The following AP1M2 variants were observed in gnomAD, a reference collection of about 807,000 sequenced individuals.
AP1M2 encodes the protein adaptor related protein complex 1 subunit mu 2, also known as AP-1 complex subunit mu-2.
In AP1M2, 41 loss-of-function variants were observed where a neutral mutation model predicts 54.6. The observed-to-expected ratio is 0.75, with a 90% confidence interval of 0.59 to 0.97. AP1M2 has a LOEUF of 0.97. AP1M2 is among the 50% of genes least tolerant of loss of function. The pLI is 0.00. For synonymous variants in AP1M2, 219 were observed against 215.9 expected, an observed-to-expected ratio of 1.01 and a Z score of -0.13; for missense variants, 507 against 561.2, an observed-to-expected ratio of 0.90 and a Z score of 0.98.
intron 9 of AP1M2, among the ~76,000 whole-genome samples, chr19:10,575,818 G>T (rs1232938255): frequency 1.5e-5 from 2 of 136,186 alleles, no homozygotes; most frequent in African/African-American, 5.6e-5. Flanking sequence ...CCAGGCTGGA[G>T]TGTAGTGGTG....
Position 10,583,901 on chromosome 19 carries a change from G to T in AP1M2, c.199+13C>A. 1.9e-6 allele frequency: 3 copies of T among 1,589,280 alleles called. No individual in the cohort carries two copies. Among genetic ancestry groups the T allele is most frequent in the Non-Finnish European group, 2.6e-6 (3 of 1,167,760 alleles). ...CCACACCCACCTCCAGGGACACCAC[G>T]TGGGGTGGATACAGTAGAGGTTGCT... is the stretch of plus-strand genomic sequence containing the variant. On this transcript the variant is annotated intron_variant, in intron 2 of 11. Coordinates refer to ENST00000250244, the MANE Select transcript of AP1M2 (RefSeq NM_005498.5).
Position 10,586,023 on chromosome 19 carries a change from T to C in AP1M2, c.42+1167A>G, listed in dbSNP as rs1363868302. On this transcript the variant is annotated intron_variant, in intron 1 of 11. Transcript: ENST00000250244. ...GTGCGGCCGGGCGCAGTGGCTCATG[T>C]CTGTAATCCCAGCACTTTGGGAGGC... Among the ~76,000 whole-genome samples the C allele has an allele frequency of 2.0e-5, 3 of 151,768 alleles. No homozygotes were observed. In the South Asian group the frequency reaches 6.3e-4, roughly 32 times the overall value.
rs759394020 is a variant in AP1M2 at position 10,574,417 on chromosome 19, C to G, written c.1249G>C (p.Asp417His). The change falls in exon 11 of 12, where the codon GAT (aspartate) becomes CAT (histidine). Residue 417 changes from aspartate (D) to histidine (H), a missense_variant and splice_region_variant. Asp to His is a moderately conservative substitution (Grantham distance 81). Transcript: ENST00000250244. The stretch of plus-strand genomic sequence containing the variant: ...GTCCCCAGGAGCTGGGCTGCCTTAC[C>G]GCCACTCTGGGTGATGTAGCGAACC... ...PWVRYITQSG[D>H]YQLRTS 5 of 1,553,072 alleles carry G rather than the reference C, an allele frequency of 3.2e-6. No homozygotes were observed. The East Asian group carries it at 1.2e-4, about 38-fold the overall frequency.
At chr19:10,575,335 G>A (rs973002925) in intron 9 of AP1M2, among the ~76,000 whole-genome samples, 3 of 152,254 alleles carry the variant, frequency 2.0e-5, no homozygotes, top group African/African-American at 7.2e-5. Context: ...CTGGGTGACA[G>A]AGACTCACCA....
intron 2 of AP1M2, 51 bp downstream of exon 2, chr19:10,583,863 T>C (rs1456448113): frequency 3.2e-6 from 5 of 1,551,904 alleles, no homozygotes; most frequent in Middle Eastern, 1.7e-4. Flanking sequence ...GCTGCCACCA[T>C]CGCCGACAGC....
At position 10,579,015 on chromosome 19, in the gene AP1M2, CTTTTTTTT is replaced by C. The variant is rs749676329; in HGVS notation, c.817-60_817-53del. On this transcript the variant is annotated intron_variant, in intron 7 of 11. Coordinates refer to ENST00000250244, the MANE Select transcript of AP1M2 (RefSeq NM_005498.5). ...TTGGAGACTCCATGTTGACTCTCTT[CTTTTTTTT>C]TTTTTTTTTTTCTTTCTTTGAGACA... 2.6e-5 allele frequency: 19 copies of C among 743,308 alleles called. No individual in the cohort carries two copies. The African/African-American group carries it at 3.4e-4, about 13-fold the overall frequency. 46.0% of individuals were successfully genotyped at this position (743,308 alleles called of 1,614,324 possible).
chr19:10,576,978 A>C (rs924963485), intron 9 of AP1M2, among the ~76,000 whole-genome samples: 7 of 152,044 alleles, frequency 4.6e-5, no homozygotes, highest in African/African-American at 1.7e-4. Context: ...ATTTTTATAG[A>C]GGCAGGGTCT....
chr19:10,573,660 C>CTTTTTTTTTT (rs35697396), intron 11 of AP1M2, among the ~76,000 whole-genome samples: 4 of 109,466 alleles, frequency 3.7e-5, no homozygotes, highest in Non-Finnish European at 3.5e-5. Flanking sequence ...CTTTTTTTTC[C>CTTTTTTTTTT]TTTTTTTTTT....
intron 1 of AP1M2, chr19:10,585,157 G>C (rs906642589): frequency 1.2e-4 from 18 of 151,442 alleles, no homozygotes; most frequent in Non-Finnish European, 1.6e-4. Context: ...CGAGACTACA[G>C]TGAGCTGTGG....
At chr19:10,579,143 G>T (rs909626943) in intron 7 of AP1M2, among the ~76,000 whole-genome samples, 180 bp from the exon 8 acceptor site, 2 of 151,770 alleles carry the variant, frequency 1.3e-5, no homozygotes, top group Non-Finnish European at 2.9e-5. Context: ...TCGGCCGGGA[G>T]CGGTGGCTCA....
Position 10,584,038 on chromosome 19 carries a change from C to G in AP1M2, c.75G>C (p.Val25=). The change falls in exon 2 of 12, where the codon GTG becomes GTC. Residue 25 remains valine (V), a synonymous_variant. Coordinates refer to ENST00000250244, the MANE Select transcript of AP1M2 (RefSeq NM_005498.5). ...PLISRNYKGD[V]AMSKIEHFMP... is the part of the protein sequence containing the mutation. ...TGAAGTGCTCAATCTTGCTCATGGC[C>G]ACATCGCCCTTGTAGTTGCGGCTGA... 1 of 1,611,088 alleles carries G rather than the reference C, an allele frequency of 6.2e-7. No individual in the cohort carries two copies. The highest frequency in any genetic ancestry group is 8.5e-7 in the Non-Finnish European group (1 of 1,178,780).
At chr19:10,583,231 T>C (rs1209192853) in intron 3 of AP1M2, among the ~76,000 whole-genome samples, 1 of 152,102 alleles carries the variant, frequency 6.6e-6, no homozygotes, top group Non-Finnish European at 1.5e-5. Context: ...TGGGCTTAGC[T>C]GAGCCGTATG....
chr19:10,577,671 G>C (rs1239351443), intron 8 of AP1M2, among the ~76,000 whole-genome samples: 3 of 149,824 alleles, frequency 2.0e-5, no homozygotes, highest in Non-Finnish European at 3.0e-5. Flanking sequence ...TCCTGACCTC[G>C]TGATCCGCCC....
intron 1 of AP1M2, among the ~76,000 whole-genome samples, chr19:10,586,140 G>A (rs1033998902): frequency 1.3e-5 from 2 of 151,904 alleles, no homozygotes; most frequent in African/African-American, 4.8e-5. Flanking sequence ...AAAATTAGCC[G>A]GGCGTGATGG....
chr19:10,584,679 G>C (rs1045189150), intron 1 of AP1M2, among the ~76,000 whole-genome samples: 5 of 85,850 alleles, frequency 5.8e-5, no homozygotes, highest in African/African-American at 2.1e-4. Context: ...AAGGAAGGAA[G>C]GTAGGCAGGC....
intron 1 of AP1M2, among the ~76,000 whole-genome samples, chr19:10,586,144 G>A (rs565649798): frequency 9.9e-5 from 15 of 152,132 alleles, no homozygotes; most frequent in African/African-American, 3.1e-4. Context: ...TTAGCCGGGC[G>A]TGATGGTGCG....
chr19:10,578,957 G>C lies in AP1M2; in HGVS notation c.823C>G (p.Pro275Ala). Residue 275 changes from proline (P) to alanine (A), a missense_variant, in exon 8 of 12, where the codon CCA becomes GCA. Coordinates refer to ENST00000250244, the MANE Select transcript of AP1M2 (RefSeq NM_005498.5). The stretch of plus-strand genomic sequence containing the variant: ...ATGACAGACTCAATCCAGATCAGTG[G>C]CTTGACCTGTGGGAAGAAGAAGGGG... Reference protein sequence around the residue: ...MSYRLSTQVKPLIWIESVIEK... With the variant: ...MSYRLSTQVKALIWIESVIEK... The C allele has an allele frequency of 6.2e-7, 1 of 1,604,522 alleles. No individual in the cohort carries two copies. The highest frequency in any genetic ancestry group is 1.3e-5 in the African/African-American group (1 of 74,722).
chr19:10,587,030 A>T, intron 1 of AP1M2, 160 bp downstream of exon 1: 1 of 763,524 alleles, frequency 1.3e-6, no homozygotes, highest in Non-Finnish European at 2.1e-6. Flanking sequence ...CCTTGGCCTC[A>T]GGCACAAGGC....
In AP1M2 at chr19:10,583,618, A is replaced by T; in HGVS notation, c.255T>A (p.Tyr85Ter). 1 of 1,612,586 alleles carries T rather than the reference A, an allele frequency of 6.2e-7. No individual in the cohort carries two copies. Among genetic ancestry groups the T allele is most frequent in the South Asian group, 1.1e-5 (1 of 90,986 alleles). The change falls in exon 3 of 12, where the codon TAT (tyrosine) becomes TAA (stop). Residue 85 changes from tyrosine (Y) to a stop codon, truncating the protein, a stop_gained. Coordinates refer to ENST00000250244, the MANE Select transcript of AP1M2 (RefSeq NM_005498.5). LOFTEE classifies it high-confidence loss of function. ...ANASLVYSFL[Y>*]KTIEVFCEYF... ...GGCTAGTACCTACCTCTATTGTCTT[A>T]TACAGGAAGGAGTACACCAGGGAGG...
Sources: allele counts gnomAD v4.1 joint callset (sites outside exome capture counted in the v4.1 genomes callset), GRCh38; gene constraint gnomAD v4.1.1; transcripts MANE v1.5; gene names NCBI Gene and HGNC (gene_info 2026-07-23, HGNC 2026-07-21).